PITPNM3: variants seen among roughly 807,000 people sequenced by gnomAD.
PITPNM3 encodes membrane-associated phosphatidylinositol transfer protein 3.
PITPNM3 carries 26 observed loss-of-function variants against 102.0 expected under a neutral mutation model. That is an observed-to-expected ratio of 0.25 (90% confidence interval 0.19 to 0.35). PITPNM3 has a LOEUF of 0.35. Among genes scored for constraint, PITPNM3 ranks in the 10% least tolerant of loss-of-function variants. PITPNM3 has a pLI of 1.00. For missense variants in PITPNM3, 1,083 were observed against 1,346.1 expected, an observed-to-expected ratio of 0.80 and a Z score of 3.06; for synonymous variants, 578 against 558.6, an observed-to-expected ratio of 1.03 and a Z score of -0.49.
intron 6 of PITPNM3, chr17:6,481,853 T>TAGAGAGAGAGAG (rs369845541): frequency 7.4e-4 from 51 of 68,506 alleles, no homozygotes; most frequent in African/African-American, 2.0e-3. Flanking sequence ...AATAGAATGA[T>TAGAGAGAGAGAG]AGAGAGAGAG....
chr17:6,466,537 A>G (rs1392401083), intron 14 of PITPNM3, among the ~76,000 whole-genome samples: 1 of 152,162 alleles, frequency 6.6e-6, no homozygotes, highest in East Asian at 1.9e-4. Context: ...TCAAAACCAC[A>G]ATGAAATACC....
Position 6,457,817 on chromosome 17 carries a change from C to T in PITPNM3, c.2491-95G>A. 6.7e-7 allele frequency: 1 copy of T among 1,483,768 alleles called. No individual in the cohort carries two copies. Among genetic ancestry groups the T allele is most frequent in the South Asian group, 1.2e-5 (1 of 82,168 alleles). 91.9% of individuals were successfully genotyped at this position (1,483,768 alleles called of 1,614,324 possible). ...CCCCAGGGGGCCCCTGCTTGGGGAC[C>T]CTTTATGTGCACTCTGGTAGACTCC... is the stretch of plus-strand genomic sequence containing the variant. On this transcript the variant is annotated intron_variant, in intron 18 of 19. Transcript: ENST00000262483. The surrounding 1 kb of genome is among the most constrained non-coding windows in gnomAD (Gnocchi z 4.7).
Position 6,466,498 on chromosome 17 carries a change from C to T in PITPNM3, c.1890+1727G>A, listed in dbSNP as rs564680891. 3.3e-5 allele frequency among the ~76,000 whole-genome samples: 5 copies of T among 152,206 alleles called. No individual in the cohort carries two copies. The East Asian group carries it at 7.7e-4, about 24-fold the overall frequency. ...ATGAATATAAGCACCTGAAAAGATC[C>T]GGCATCCCGAGTCATTAGAGAAATG... On this transcript the variant is annotated intron_variant, in intron 14 of 19. Coordinates refer to ENST00000262483, the MANE Select transcript of PITPNM3 (RefSeq NM_031220.4).
At chr17:6,486,034 A>G (rs373736103) in intron 4 of PITPNM3, among the ~76,000 whole-genome samples, 16 of 151,758 alleles carry the variant, frequency 1.1e-4, no homozygotes, top group Admixed American at 7.2e-4. Context: ...TAACACCTAC[A>G]CTCCTGAATG....
rs1914189314 is a variant in PITPNM3, at chr17:6,458,252, TC to T, written c.2491-531del. Among the ~76,000 whole-genome samples the T allele has an allele frequency of 6.6e-6, 1 of 151,670 alleles. No homozygotes were observed. Among genetic ancestry groups the T allele is most frequent in the Admixed American group, 6.6e-5 (1 of 15,250 alleles). ...TTGCTCCAGGGGCACTTCCAGACCA[TC>T]ACCCTTCCCTCCCCTCCCCAGGATA... On this transcript the variant is annotated intron_variant, in intron 18 of 19. Coordinates refer to ENST00000262483, the MANE Select transcript of PITPNM3 (RefSeq NM_031220.4). The surrounding 1 kb of genome is among the most constrained non-coding windows in gnomAD (Gnocchi z 5.1).
chr17:6,456,115 G>A (rs371355615), intron 19 of PITPNM3, among the ~76,000 whole-genome samples: 2 of 151,970 alleles, frequency 1.3e-5, no homozygotes, highest in African/African-American at 2.4e-5. Flanking sequence ...TCTCAACTTC[G>A]CCAGCTCAAG....
At chr17:6,522,283 T>TGCGCGC (rs201711881) in intron 3 of PITPNM3, among the ~76,000 whole-genome samples, 36 of 81,468 alleles carry the variant, frequency 4.4e-4, no homozygotes, top group African/African-American at 2.3e-3. Context: ...ATATTTAGTG[T>TGCGCGC]GCGCACACAC....
intron 2 of PITPNM3, among the ~76,000 whole-genome samples, chr17:6,527,158 A>G (rs1016389418): frequency 1.3e-5 from 2 of 152,278 alleles, no homozygotes; most frequent in African/African-American, 4.8e-5. Context: ...CTGTGGGGAC[A>G]AATAATATAG....
At chr17:6,500,909 C>A (rs1247288964) in intron 4 of PITPNM3, among the ~76,000 whole-genome samples, 1 of 152,170 alleles carries the variant, frequency 6.6e-6, no homozygotes, top group Non-Finnish European at 1.5e-5. Context: ...CTCCTGACCT[C>A]AGGTGATCCA....
At position 6,503,668 on chromosome 17, in the gene PITPNM3, T is replaced by C. The variant is rs932363658; in HGVS notation, c.227-94A>G. 3.1e-6 allele frequency: 4 copies of C among 1,282,692 alleles called. No individual in the cohort carries two copies. In the African/African-American group the frequency reaches 5.8e-5, roughly 19 times the overall value. 79.5% of individuals were successfully genotyped at this position (1,282,692 alleles called of 1,614,324 possible). A position where few individuals can be genotyped will look rare whatever the true frequency, so the allele number is the denominator to read the frequency against. ...GGCTGCTTGGAGCTGCCTCTGACCC[T>C]CACTCTAGAGCTTGGGATGGGCAGA... On this transcript the variant is annotated intron_variant, in intron 3 of 19. Transcript: ENST00000262483.
chr17:6,526,443 G>A (rs752251343), intron 2 of PITPNM3, among the ~76,000 whole-genome samples: 3 of 152,168 alleles, frequency 2.0e-5, no homozygotes, highest in African/African-American at 7.2e-5. Flanking sequence ...GGGTGTTGAG[G>A]ACAATCTCCA....
At chr17:6,540,054 C>A (rs1166248851) in intron 1 of PITPNM3, among the ~76,000 whole-genome samples, 1 of 152,174 alleles carries the variant, frequency 6.6e-6, no homozygotes, top group Non-Finnish European at 1.5e-5. Flanking sequence ...AAGGCAGAGG[C>A]ATTCTCTCTG....
At chr17:6,463,569 T>C (rs11657858) in intron 17 of PITPNM3, among the ~76,000 whole-genome samples, 163 bp downstream of exon 17, 93,098 of 152,038 alleles carry the variant, frequency 0.61, 29,290 homozygotes, top group Middle Eastern at 0.78. Flanking sequence ...TTCCCAAGGA[T>C]ACTCAATAAA....
chr17:6,477,760 A>T (rs747206191), intron 8 of PITPNM3, among the ~76,000 whole-genome samples: 1 of 152,068 alleles, frequency 6.6e-6, no homozygotes, highest in East Asian at 1.9e-4. Flanking sequence ...TGGCCAGGCT[A>T]GTCTCAAACT....
At chr17:6,463,417 G>GGGAGGGAGGCAGGGAGGGAA (rs1302939130) in intron 17 of PITPNM3, among the ~76,000 whole-genome samples, 599 of 58,722 alleles carry the variant, frequency 0.01, 24 homozygotes, top group African/African-American at 0.033. Flanking sequence ...CACGAGTGCA[G>GGGAGGGAGGCAGGGAGGGAA]GGAGGGAGGC....
intron 9 of PITPNM3, among the ~76,000 whole-genome samples, chr17:6,476,764 G>C (rs1381684021): frequency 2.0e-5 from 3 of 152,204 alleles, no homozygotes; most frequent in Non-Finnish European, 4.4e-5. Context: ...AAAAGCCGAG[G>C]CTCAGAAAAG....
chr17:6,540,754 G>A lies in PITPNM3; in HGVS notation c.23-2672C>T, dbSNP rs373675666. 3.8e-3 allele frequency among the ~76,000 whole-genome samples: 584 copies of A among 152,278 alleles called. 2 individuals carry two copies. Among genetic ancestry groups the A allele is most frequent in the Non-Finnish European group, 7.0e-3 (477 of 68,028 alleles). On this transcript the variant is annotated intron_variant, in intron 1 of 19. Coordinates refer to ENST00000262483, the MANE Select transcript of PITPNM3 (RefSeq NM_031220.4). Reference sequence around the variant, plus strand: ...GCTCACTGCAACCTTCACCTCCCGGGTTCAAGAGATTCTCCTGCCTCAGCC... The same window carrying A: ...GCTCACTGCAACCTTCACCTCCCGGATTCAAGAGATTCTCCTGCCTCAGCC...
At chr17:6,546,334 C>T (rs560084494) in intron 1 of PITPNM3, among the ~76,000 whole-genome samples, 114 of 152,338 alleles carry the variant, frequency 7.5e-4, no homozygotes, top group African/African-American at 2.5e-3. Flanking sequence ...TGGAGAACCC[C>T]GGAAGAAATC....
At chr17:6,547,783 T>C (rs1413772676) in intron 1 of PITPNM3, among the ~76,000 whole-genome samples, 2 of 151,842 alleles carry the variant, frequency 1.3e-5, no homozygotes, top group African/African-American at 4.8e-5. Flanking sequence ...TTGCCTAGGC[T>C]GGAGTGCAAT....
Sources: allele counts gnomAD v4.1 joint callset (sites outside exome capture counted in the v4.1 genomes callset), GRCh38; gene constraint gnomAD v4.1.1; non-coding constraint Gnocchi (gnomAD v3.1); transcripts MANE v1.5; gene names NCBI Gene and HGNC (gene_info 2026-07-23, HGNC 2026-07-21).